The following PTPN14 variants were observed in gnomAD, a reference collection of about 807,000 sequenced individuals.
The protein encoded by PTPN14 is protein tyrosine phosphatase non-receptor type 14, also known as tyrosine-protein phosphatase non-receptor type 14.
In PTPN14, 53 loss-of-function variants were observed where a neutral mutation model predicts 126.8. That is an observed-to-expected ratio of 0.42 (90% CI 0.34 to 0.53). PTPN14 has a LOEUF of 0.53. PTPN14 is among the 20% of genes least tolerant of loss of function. PTPN14 has a pLI of 0.08. For missense variants in PTPN14, 1,257 were observed against 1,552.9 expected (o/e 0.81, Z 3.20); for synonymous variants, 630 against 599.3 (o/e 1.05, Z -0.75).
chr1:214,541,974 A>T (rs889371215), intron 1 of PTPN14, among the ~76,000 whole-genome samples: 1 of 152,196 alleles, frequency 6.6e-6, no homozygotes, highest in African/African-American at 2.4e-5. Context: ...AGAATGTAAT[A>T]AACACACGTT....
chr1:214,471,708 T>G (rs1660762909), intron 1 of PTPN14, among the ~76,000 whole-genome samples: 1 of 152,208 alleles, frequency 6.6e-6, no homozygotes, highest in Non-Finnish European at 1.5e-5. Flanking sequence ...CCGAGTAGAA[T>G]GCTGAATCAT....
intron 1 of PTPN14, among the ~76,000 whole-genome samples, chr1:214,504,184 C>T (rs1010366914): frequency 7.9e-5 from 12 of 152,128 alleles, no homozygotes; most frequent in South Asian, 2.1e-4. Context: ...GCTGCCTCTC[C>T]GTTAGCCCTA....
chr1:214,367,725 G>A (rs1392466930), intron 17 of PTPN14, among the ~76,000 whole-genome samples: 2 of 152,158 alleles, frequency 1.3e-5, no homozygotes, highest in Non-Finnish European at 2.9e-5. Context: ...AGTTAGATGA[G>A]CATGTGGAAA....
At chr1:214,495,891 A>G (rs1465204993) in intron 1 of PTPN14, among the ~76,000 whole-genome samples, 1 of 151,964 alleles carries the variant, frequency 6.6e-6, no homozygotes, top group Admixed American at 6.6e-5. Flanking sequence ...ACAGGGTTTC[A>G]CCATGTTGGT....
chr1:214,462,426 CA>C (rs1230504573), intron 2 of PTPN14, among the ~76,000 whole-genome samples: 2 of 152,230 alleles, frequency 1.3e-5, no homozygotes, highest in Non-Finnish European at 2.9e-5. Flanking sequence ...GATGCCTTCT[CA>C]GCCCCCAAAA....
At chr1:214,550,487 A>G (rs1656080910) in intron 1 of PTPN14, among the ~76,000 whole-genome samples, 1 of 152,226 alleles carries the variant, frequency 6.6e-6, no homozygotes, top group Non-Finnish European at 1.5e-5. Context: ...TCCAAACGAA[A>G]AGGTGTAAAC....
Position 214,351,050 on chromosome 1 carries a change from A to C in PTPN14, c.*6872T>G, listed in dbSNP as rs1257747974. 2 of 152,006 alleles carry C rather than the reference A, an allele frequency of 1.3e-5. No homozygotes were observed. The highest frequency in any genetic ancestry group is 2.9e-5 in the Non-Finnish European group (2 of 68,018). The allele number at this position is 152,006 out of a possible 1,614,324, so 9.4% of individuals were successfully genotyped here. A position where few individuals can be genotyped will look rare whatever the true frequency, so the allele number is the denominator to read the frequency against. On this transcript the variant is annotated 3_prime_UTR_variant, in exon 19 of 19. Coordinates refer to ENST00000366956, the MANE Select transcript of PTPN14 (RefSeq NM_005401.5). Reference sequence around the variant, plus strand: ...GTGTACTGTTGAGAGTTGATCCATAAAGCAGATGGGGAAATATGAAAAGGC... The same window carrying C: ...GTGTACTGTTGAGAGTTGATCCATACAGCAGATGGGGAAATATGAAAAGGC...
Position 214,401,676 on chromosome 1 carries a change from G to A in PTPN14, c.669+9C>T. 1.9e-6 allele frequency: 3 copies of A among 1,545,600 alleles called. No individual in the cohort carries two copies. The highest frequency in any genetic ancestry group is 2.7e-6 in the Non-Finnish European group (3 of 1,120,302). The stretch of plus-strand genomic sequence containing the variant: ...AAGGTTAAAGCCAGCACAGGGCACA[G>A]CATATTACCTTTACAGGGAAGATTT... On this transcript the variant is annotated intron_variant, in intron 7 of 18. Transcript: ENST00000366956.
intron 1 of PTPN14, among the ~76,000 whole-genome samples, chr1:214,523,544 G>T (rs1469506991): frequency 6.6e-6 from 1 of 152,172 alleles, no homozygotes; most frequent in African/African-American, 2.4e-5. Flanking sequence ...CTACCATCTA[G>T]GTTTGTGTAA....
intron 1 of PTPN14, among the ~76,000 whole-genome samples, chr1:214,550,976 C>T (rs559858133): frequency 9.2e-5 from 14 of 152,324 alleles, no homozygotes; most frequent in Admixed American, 2.6e-4. Context: ...CCGGGACCAG[C>T]TTTGCGCCTC....
At chr1:214,427,825 G>C (rs969748538) in intron 3 of PTPN14, among the ~76,000 whole-genome samples, 10 of 152,218 alleles carry the variant, frequency 6.6e-5, no homozygotes, top group African/African-American at 2.4e-4. Context: ...ATATTTGGGG[G>C]ATGGAGGTTT....
At chr1:214,468,199 G>T (rs1343945461) in intron 1 of PTPN14, among the ~76,000 whole-genome samples, 1 of 152,224 alleles carries the variant, frequency 6.6e-6, no homozygotes. Flanking sequence ...GATGCCAGTG[G>T]ATATAGCAGG....
chr1:214,539,833 A>AT (rs1655793626), intron 1 of PTPN14, among the ~76,000 whole-genome samples: 1 of 151,914 alleles, frequency 6.6e-6, no homozygotes, highest in African/African-American at 2.4e-5. Context: ...GTACACACTC[A>AT]TACCTAACCT....
intron 3 of PTPN14, among the ~76,000 whole-genome samples, chr1:214,435,169 C>A (rs1006594733): frequency 5.9e-5 from 9 of 151,904 alleles, no homozygotes; most frequent in African/African-American, 2.2e-4. Context: ...CTTTAATGCT[C>A]TCTAATCAAT....
intron 3 of PTPN14, among the ~76,000 whole-genome samples, chr1:214,421,857 C>A (rs544700625): frequency 6.6e-6 from 1 of 152,234 alleles, no homozygotes; most frequent in South Asian, 2.1e-4. Flanking sequence ...TGCTCCAAGG[C>A]TCAGAGGAAA....
At chr1:214,463,757 C>A (rs4655259) in intron 2 of PTPN14, among the ~76,000 whole-genome samples, 126,070 of 152,114 alleles carry the variant, frequency 0.83, 52,353 homozygotes, top group African/African-American at 0.89. Context: ...GGACAATTAC[C>A]CACAGCTTTT....
rs1277552540 is a variant in PTPN14, at chr1:214,352,608, AT to A, written c.*5313del. 18 of 152,328 alleles carry A rather than the reference AT, an allele frequency of 1.2e-4. No homozygotes were observed. Among genetic ancestry groups the A allele is most frequent in the African/African-American group, 4.1e-4 (17 of 41,576 alleles). The allele number at this position is 152,328 out of a possible 1,614,324, so 9.4% of individuals were successfully genotyped here. The stretch of plus-strand genomic sequence containing the variant: ...AGAAGCTTAAGTAAAGACAAGAACT[AT>A]TTTGCTTCCTTGCTCAGCGTTCAAG... On this transcript the variant is annotated 3_prime_UTR_variant, in exon 19 of 19. Transcript: ENST00000366956.
At chr1:214,465,107 A>T (rs994848561) in intron 1 of PTPN14, 150 bp from the exon 2 acceptor site, 2 of 382,894 alleles carry the variant, frequency 5.2e-6, no homozygotes, top group Non-Finnish European at 9.6e-6. Flanking sequence ...TGGAGTTCCT[A>T]AGTGTCTTGG....
rs77597680 is a variant in PTPN14 at position 214,551,589 on chromosome 1, A to G, written c.-561T>C. On this transcript the variant is annotated 5_prime_UTR_variant, in exon 1 of 19. Transcript: ENST00000366956. The stretch of plus-strand genomic sequence containing the variant: ...CGCCCGCTGCGCTCACTCCGCCGAG[A>G]AAAAGTTGGAAAGAACTTTGAGGGG... The G allele has an allele frequency of 2.0e-5, 3 of 152,394 alleles. No individual in the cohort carries two copies. Among genetic ancestry groups the G allele is most frequent in the Non-Finnish European group, 4.4e-5 (3 of 68,110 alleles). The allele number at this position is 152,394 out of a possible 1,614,324, so 9.4% of individuals were successfully genotyped here.
Sources: allele counts gnomAD v4.1 joint callset (sites outside exome capture counted in the v4.1 genomes callset), GRCh38; gene constraint gnomAD v4.1.1; transcripts MANE v1.5; gene names NCBI Gene and HGNC (gene_info 2026-07-23, HGNC 2026-07-21).